KCNT2: variants seen among roughly 807,000 people sequenced by gnomAD.
KCNT2 encodes the protein potassium sodium-activated channel subfamily T member 2.
A neutral mutation model predicts 153.8 loss-of-function variants in KCNT2; 67 were observed. The ratio of observed to expected loss-of-function variants is 0.44; its 90% CI spans 0.36 to 0.53. KCNT2 has a LOEUF of 0.53. Among genes scored for constraint, KCNT2 ranks in the 20% least tolerant of loss-of-function variants. The pLI is 0.00. For synonymous variants in KCNT2, 500 were observed against 458.8 expected, an observed-to-expected ratio of 1.09 and a Z score of -1.15; for missense variants, 975 against 1,354.8, an observed-to-expected ratio of 0.72 and a Z score of 4.40.
At position 196,433,557 on chromosome 1, in the gene KCNT2, G is replaced by T. The variant is rs576949170; in HGVS notation, c.639-3800C>A. On this transcript the variant is annotated intron_variant, in intron 8 of 27. Transcript: ENST00000294725. ...TTTGAATATACATGAGAAAATTATTGAATTTACACTTAAAATGAGTAAATT... is the reference window on the plus strand; with the variant it reads ...TTTGAATATACATGAGAAAATTATTTAATTTACACTTAAAATGAGTAAATT... 1.1e-3 allele frequency among the ~76,000 whole-genome samples: 169 copies of T among 151,942 alleles called. 4 individuals carry two copies. Among genetic ancestry groups the T allele is most frequent in the African/African-American group, 4.0e-3 (165 of 41,448 alleles).
intron 14 of KCNT2, among the ~76,000 whole-genome samples, chr1:196,343,264 C>T (rs142602375): frequency 1.8e-3 from 277 of 152,294 alleles, no homozygotes; most frequent in African/African-American, 4.6e-3. Flanking sequence ...TGTTCTGGAA[C>T]GTTCTGCGCT....
chr1:196,414,044 T>C (rs1011255745), intron 12 of KCNT2, among the ~76,000 whole-genome samples: 8 of 151,640 alleles, frequency 5.3e-5, no homozygotes, highest in Non-Finnish European at 1.0e-4. Context: ...GTGCAATCAA[T>C]GTTTTTCAAA....
chr1:196,513,479 A>C (rs894645889), intron 1 of KCNT2, among the ~76,000 whole-genome samples: 2 of 152,218 alleles, frequency 1.3e-5, no homozygotes, highest in Admixed American at 1.3e-4. Flanking sequence ...TAATATGAAT[A>C]ATCTAGCACA....
intron 14 of KCNT2, among the ~76,000 whole-genome samples, chr1:196,371,920 GTC>G (rs1668573928): frequency 6.6e-6 from 1 of 152,034 alleles, no homozygotes; most frequent in South Asian, 2.1e-4. Context: ...AGTTGTCTGA[GTC>G]TGTACGAAGA....
intron 1 of KCNT2, among the ~76,000 whole-genome samples, chr1:196,593,517 G>T (rs972765056): frequency 4.6e-5 from 7 of 151,748 alleles, no homozygotes; most frequent in African/African-American, 1.4e-4. Flanking sequence ...CCCAGTAGTG[G>T]GATTGGTTTC....
At chr1:196,466,615 A>T (rs1481303483) in intron 7 of KCNT2, among the ~76,000 whole-genome samples, 2 of 152,048 alleles carry the variant, frequency 1.3e-5, no homozygotes, top group Non-Finnish European at 2.9e-5. Flanking sequence ...ATACATACAT[A>T]TTATGCATAT....
chr1:196,597,077 C>T (rs1397039177), intron 1 of KCNT2, among the ~76,000 whole-genome samples: 1 of 152,020 alleles, frequency 6.6e-6, no homozygotes, highest in Non-Finnish European at 1.5e-5. Flanking sequence ...TTAGTTAGTC[C>T]AATATAGGTG....
chr1:196,466,387 G>T (rs1206675126), intron 7 of KCNT2, among the ~76,000 whole-genome samples: 1 of 151,902 alleles, frequency 6.6e-6, no homozygotes, highest in Non-Finnish European at 1.5e-5. Context: ...ATTTTCATAA[G>T]ACTCCAGTGG....
At chr1:196,517,418 C>T (rs999939129) in intron 1 of KCNT2, among the ~76,000 whole-genome samples, 3 of 152,076 alleles carry the variant, frequency 2.0e-5, no homozygotes, top group African/African-American at 7.2e-5. Flanking sequence ...TCTTAACCAG[C>T]CTTAATTGGT....
intron 12 of KCNT2, among the ~76,000 whole-genome samples, chr1:196,409,016 A>G (rs1432187755): frequency 6.6e-6 from 1 of 150,844 alleles, no homozygotes; most frequent in Non-Finnish European, 1.5e-5. Context: ...ATGCCATTTT[A>G]TACTTCATGT....
chr1:196,313,902 A>G (rs1662443601), intron 21 of KCNT2, among the ~76,000 whole-genome samples: 2 of 151,674 alleles, frequency 1.3e-5, no homozygotes, highest in South Asian at 2.1e-4. Context: ...CTGAAGACAG[A>G]TAAGCCTAAT....
At chr1:196,411,173 G>A (rs1672296476) in intron 12 of KCNT2, among the ~76,000 whole-genome samples, 1 of 147,570 alleles carries the variant, frequency 6.8e-6, no homozygotes, top group African/African-American at 2.5e-5. Flanking sequence ...TTCTGTTGAA[G>A]AGACTATCCT....
Position 196,334,154 on chromosome 1 carries a change from A to G in KCNT2, c.1784-94T>C, listed in dbSNP as rs1041389934. 8.7e-6 allele frequency: 6 copies of G among 692,988 alleles called. No homozygotes were observed. In the African/African-American group the frequency reaches 1.1e-4, roughly 13 times the overall value. 42.9% of individuals were successfully genotyped at this position (692,988 alleles called of 1,614,324 possible). The stretch of plus-strand genomic sequence containing the variant: ...TGAAATATGAAATATAATAAACACA[A>G]TAAATATATATATAGAGAGAGTATA... On this transcript the variant is annotated intron_variant, in intron 16 of 27. Coordinates refer to ENST00000294725, the MANE Select transcript of KCNT2 (RefSeq NM_198503.5).
intron 8 of KCNT2, among the ~76,000 whole-genome samples, chr1:196,454,591 A>G (rs1479026792): frequency 2.6e-5 from 4 of 151,676 alleles, no homozygotes; most frequent in South Asian, 4.1e-4. Flanking sequence ...TCTTTATCCA[A>G]TCTACCACAG....
At chr1:196,479,269 A>G in intron 4 of KCNT2, 31 bp from the exon 5 acceptor site, 2 of 1,263,050 alleles carry the variant, frequency 1.6e-6, no homozygotes, top group Admixed American at 1.9e-5. Flanking sequence ...TAATGAGAAA[A>G]CGCAATACAA....
At position 196,342,242 on chromosome 1, in the gene KCNT2, A is replaced by C; in HGVS notation, c.1404-14T>G. On this transcript the variant is annotated splice_polypyrimidine_tract_variant and intron_variant, in intron 14 of 27. Coordinates refer to ENST00000294725, the MANE Select transcript of KCNT2 (RefSeq NM_198503.5). ...TGCTGGCCTTCTCTGCAACACAGGC[A>C]CACACACATACACACACACAAAAAG... 6.3e-7 allele frequency: 1 copy of C among 1,584,310 alleles called. No individual in the cohort carries two copies. The highest frequency in any genetic ancestry group is 8.6e-7 in the Non-Finnish European group (1 of 1,164,894).
intron 8 of KCNT2, among the ~76,000 whole-genome samples, chr1:196,446,179 A>T (rs192687319): frequency 7.3e-5 from 11 of 151,516 alleles, no homozygotes; most frequent in Admixed American, 7.3e-4. Flanking sequence ...AAAAGCTTCT[A>T]CTCTGTATTT....
intron 22 of KCNT2, among the ~76,000 whole-genome samples, chr1:196,293,722 T>C (rs1398943934): frequency 6.6e-6 from 1 of 151,940 alleles, no homozygotes; most frequent in Non-Finnish European, 1.5e-5. Flanking sequence ...TGTCAAACTA[T>C]TAGAAGAAAA....
intron 14 of KCNT2, among the ~76,000 whole-genome samples, chr1:196,354,045 G>A (rs549932037): frequency 6.7e-4 from 101 of 151,730 alleles, no homozygotes; most frequent in Non-Finnish European, 1.2e-3. Flanking sequence ...GACTTCCTAC[G>A]TTTTTATGAA....
Sources: allele counts gnomAD v4.1 joint callset (sites outside exome capture counted in the v4.1 genomes callset), GRCh38; gene constraint gnomAD v4.1.1; transcripts MANE v1.5; gene names NCBI Gene and HGNC (gene_info 2026-07-23, HGNC 2026-07-21).